GUCY1A2: variants seen among roughly 807,000 people sequenced by gnomAD.
GUCY1A2 encodes guanylate cyclase soluble subunit alpha-2.
A neutral mutation model predicts 63.5 loss-of-function variants in GUCY1A2; 27 were observed. The observed-to-expected ratio is 0.43, with a 90% confidence interval of 0.31 to 0.59. The LOEUF (loss-of-function observed/expected upper bound fraction) is 0.59, where lower values mean the gene tolerates loss of function less well. GUCY1A2 is among the 20% of genes least tolerant of loss of function. GUCY1A2 has a pLI of 0.11. For missense variants in GUCY1A2, 768 were observed against 913.3 expected, an observed-to-expected ratio of 0.84 and a Z score of 2.05; for synonymous variants, 364 against 343.5, an observed-to-expected ratio of 1.06 and a Z score of -0.66.
chr11:106,716,009 T>G (rs1229266432), intron 6 of GUCY1A2, among the ~76,000 whole-genome samples: 1 of 152,154 alleles, frequency 6.6e-6, no homozygotes, highest in Non-Finnish European at 1.5e-5. Context: ...TTGAGCTCAA[T>G]GCTTCCCCAC....
At position 106,835,136 on chromosome 11, in the gene GUCY1A2, G is replaced by A. The variant is rs567919560; in HGVS notation, c.1207-24658C>T. ...AAGGGCATCAAATACTAGATTTTAC[G>A]ACTTGGAATATAAAATATACATAGG... On this transcript the variant is annotated intron_variant, in intron 4 of 7. Coordinates refer to ENST00000526355, the MANE Select transcript of GUCY1A2 (RefSeq NM_000855.3). Among the ~76,000 whole-genome samples the A allele has an allele frequency of 2.2e-4, 34 of 151,810 alleles. No individual in the cohort carries two copies. In the South Asian group the frequency reaches 5.2e-3, roughly 23 times the overall value.
chr11:106,839,103 T>C (rs1859159504), intron 4 of GUCY1A2, among the ~76,000 whole-genome samples: 2 of 152,090 alleles, frequency 1.3e-5, no homozygotes, highest in Admixed American at 1.3e-4. Context: ...GTTTTTATGG[T>C]TTTAGGTCTA....
At chr11:106,808,779 C>T (rs1858726242) in intron 5 of GUCY1A2, among the ~76,000 whole-genome samples, 1 of 152,104 alleles carries the variant, frequency 6.6e-6, no homozygotes, top group South Asian at 2.1e-4. Flanking sequence ...ATGCCAAATT[C>T]AGCTGATCTC....
chr11:106,925,872 T>C (rs1446538194), intron 4 of GUCY1A2, among the ~76,000 whole-genome samples: 4 of 152,206 alleles, frequency 2.6e-5, no homozygotes, highest in Non-Finnish European at 5.9e-5. Context: ...AATTGGGGAA[T>C]GAAATGTCTT....
chr11:106,710,237 TA>T (rs60866712), intron 6 of GUCY1A2, among the ~76,000 whole-genome samples: 1 of 28,710 alleles, frequency 3.5e-5, no homozygotes, highest in Non-Finnish European at 5.5e-5. Flanking sequence ...GTTATATATA[TA>T]ATATATAGTT....
rs1172699788 is a variant in GUCY1A2 at position 106,680,735 on chromosome 11, G to T, written c.*6814C>A. The T allele has an allele frequency of 4.9e-6, 1 of 206,164 alleles. No individual in the cohort carries two copies. Among genetic ancestry groups the T allele is most frequent in the Non-Finnish European group, 9.9e-6 (1 of 100,902 alleles). 12.8% of individuals were successfully genotyped at this position (206,164 alleles called of 1,614,324 possible). On this transcript the variant is annotated 3_prime_UTR_variant, in exon 8 of 8. Coordinates refer to ENST00000526355, the MANE Select transcript of GUCY1A2 (RefSeq NM_000855.3). ...GAAATTTTCCAAACTGTGGGCAGGA[G>T]AATGCTAAAATTAAGTTTTGCTATG...
chr11:106,721,374 ATTG>A (rs1352871457), intron 6 of GUCY1A2, among the ~76,000 whole-genome samples: 1 of 152,206 alleles, frequency 6.6e-6, no homozygotes. Flanking sequence ...AATGTTTCTT[ATTG>A]TTAAAAATGT....
chr11:107,008,666 C>G (rs887479997), intron 1 of GUCY1A2, among the ~76,000 whole-genome samples: 1 of 152,096 alleles, frequency 6.6e-6, no homozygotes, highest in African/African-American at 2.4e-5. Context: ...ATTTCCATCT[C>G]AAAGAGGCAG....
At chr11:106,913,390 T>C (rs957539832) in intron 4 of GUCY1A2, among the ~76,000 whole-genome samples, 1 of 152,092 alleles carries the variant, frequency 6.6e-6, no homozygotes, top group Non-Finnish European at 1.5e-5. Flanking sequence ...AGTGATCACA[T>C]GATGAGAATA....
Position 106,687,775 on chromosome 11 carries a change from G to A in GUCY1A2, c.1992-19C>T. On this transcript the variant is annotated intron_variant, in intron 7 of 7. Transcript: ENST00000526355. Reference sequence around the variant, plus strand: ...TAATAATCTAAGAAGAAAATACAGAGCACATGAATCAAGTAGGCCAGGGAA... The same window carrying A: ...TAATAATCTAAGAAGAAAATACAGAACACATGAATCAAGTAGGCCAGGGAA... The A allele has an allele frequency of 6.6e-7, 1 of 1,521,094 alleles. No individual in the cohort carries two copies. The highest frequency in any genetic ancestry group is 9.1e-7 in the Non-Finnish European group (1 of 1,095,362). 94.2% of individuals were successfully genotyped at this position (1,521,094 alleles called of 1,614,324 possible).
rs534100121 is a variant in GUCY1A2, at chr11:106,758,287, G to A, written c.1836+18152C>T. Among the ~76,000 whole-genome samples the A allele has an allele frequency of 7.9e-5, 12 of 152,348 alleles. No individual in the cohort carries two copies. The East Asian group carries it at 9.6e-4, about 12-fold the overall frequency. On this transcript the variant is annotated intron_variant, in intron 6 of 7. Coordinates refer to ENST00000526355, the MANE Select transcript of GUCY1A2 (RefSeq NM_000855.3). Reference sequence around the variant, plus strand: ...TCTTAGCTTGCTGGGCTATGTGGGCGTGGGACCCACTGAGCCAGGCACCGG... The same window carrying A: ...TCTTAGCTTGCTGGGCTATGTGGGCATGGGACCCACTGAGCCAGGCACCGG...
In GUCY1A2 at chr11:106,939,151, T is replaced by A. The variant is rs201135245; in HGVS notation, c.1206+309A>T. Among the ~76,000 whole-genome samples the A allele has an allele frequency of 2.4e-4, 36 of 152,372 alleles. No individual in the cohort carries two copies. The East Asian group carries it at 6.5e-3, about 28-fold the overall frequency. ...TTTCTCATAGTTTGACTACATTCAG[T>A]GGAAATATTCATGTGTTTATATTAT... On this transcript the variant is annotated intron_variant, in intron 4 of 7. Transcript: ENST00000526355.
intron 5 of GUCY1A2, among the ~76,000 whole-genome samples, chr11:106,776,804 T>C (rs1282028513): frequency 6.6e-6 from 1 of 152,208 alleles, no homozygotes; most frequent in Non-Finnish European, 1.5e-5. Context: ...TCACTAGAGA[T>C]GATCATTGAA....
intron 3 of GUCY1A2, among the ~76,000 whole-genome samples, chr11:106,962,242 C>T (rs981913487): frequency 8.6e-5 from 13 of 152,044 alleles, no homozygotes; most frequent in African/African-American, 3.1e-4. Context: ...ACTATGAGGT[C>T]CATGACAGCA....
At position 106,863,515 on chromosome 11, in the gene GUCY1A2, A is replaced by G. The variant is rs949483280; in HGVS notation, c.1207-53037T>C. On this transcript the variant is annotated intron_variant, in intron 4 of 7. Transcript: ENST00000526355. ...TGGTCTATATATCTGTTTTGGTACC[A>G]GTACCATGCTGTTTTGGTTGCTGTA... 1.3e-5 allele frequency among the ~76,000 whole-genome samples: 2 copies of G among 152,158 alleles called. 1 individual carries two copies. Among genetic ancestry groups the G allele is most frequent in the African/African-American group, 4.8e-5 (2 of 41,434 alleles).
chr11:106,776,954 A>G (rs1047277864), intron 5 of GUCY1A2, among the ~76,000 whole-genome samples: 1 of 152,188 alleles, frequency 6.6e-6, no homozygotes, highest in Non-Finnish European at 1.5e-5. Flanking sequence ...TTCCTTTGGA[A>G]AGCATTTTTT....
At chr11:106,795,800 C>A (rs999228748) in intron 5 of GUCY1A2, among the ~76,000 whole-genome samples, 1 of 152,136 alleles carries the variant, frequency 6.6e-6, no homozygotes, top group Non-Finnish European at 1.5e-5. Context: ...AGGGAGGCAG[C>A]AGCATTGATT....
chr11:106,803,058 C>A (rs956747135), intron 5 of GUCY1A2, among the ~76,000 whole-genome samples: 1 of 152,166 alleles, frequency 6.6e-6, no homozygotes, highest in Non-Finnish European at 1.5e-5. Flanking sequence ...TTAACTTCTG[C>A]TTAGCAACTA....
intron 1 of GUCY1A2, among the ~76,000 whole-genome samples, chr11:106,988,913 T>C (rs1861436275): frequency 6.6e-6 from 1 of 152,218 alleles, no homozygotes; most frequent in Non-Finnish European, 1.5e-5. Flanking sequence ...TCAGCCTCTC[T>C]GACCTGAGTA....
Sources: allele counts gnomAD v4.1 joint callset (sites outside exome capture counted in the v4.1 genomes callset), GRCh38; gene constraint gnomAD v4.1.1; transcripts MANE v1.5; gene names NCBI Gene and HGNC (gene_info 2026-07-23, HGNC 2026-07-21).